The following HEATR3 variants were observed in gnomAD, a reference collection of about 807,000 sequenced individuals.
The protein encoded by HEATR3 is HEAT repeat containing 3, also known as HEAT repeat-containing protein 3.
Under a neutral mutation model 72.8 loss-of-function variants are expected in HEATR3, and 56 were observed. The ratio of observed to expected loss-of-function variants is 0.77; its 90% CI spans 0.62 to 0.96. HEATR3 has a LOEUF of 0.96. HEATR3 is among the 40% of genes least tolerant of loss of function. HEATR3 has a pLI of 0.00. For missense variants in HEATR3, 747 were observed against 831.4 expected, an observed-to-expected ratio of 0.90 and a Z score of 1.25; for synonymous variants, 331 against 318.1, an observed-to-expected ratio of 1.04 and a Z score of -0.43.
chr16:50,080,261 CTG>C (rs984899204), intron 7 of HEATR3: 2 of 151,986 alleles, frequency 1.3e-5, no homozygotes, highest in Non-Finnish European at 2.9e-5. Flanking sequence ...TATGAGCAAA[CTG>C]TGGGTGCAAA....
intron 7 of HEATR3, 108 bp from the exon 8 acceptor site, chr16:50,083,829 C>G: frequency 1.1e-6 from 1 of 909,876 alleles, no homozygotes; most frequent in Non-Finnish European, 1.7e-6. Context: ...CCCGTGTGCT[C>G]TATTCCAAGC....
Position 50,084,204 on chromosome 16 carries a change from C to T in HEATR3, c.1203C>T (p.Phe401=). ...DESDAFMENS[F]SECGGQLFSP... ...GTGACGCATTTATGGAGAATTCCTT[C>T]AGTGAGTGCGGGGGACAGCTGTTTT... The change falls in exon 9 of 15, where the codon TTC becomes TTT. Residue 401 remains phenylalanine, a synonymous_variant. Coordinates refer to ENST00000299192, the MANE Select transcript of HEATR3 (RefSeq NM_182922.4). 6.2e-7 allele frequency: 1 copy of T among 1,614,176 alleles called. No individual in the cohort carries two copies. Among genetic ancestry groups the T allele is most frequent in the African/African-American group, 1.3e-5 (1 of 75,040 alleles).
intron 4 of HEATR3, among the ~76,000 whole-genome samples, chr16:50,072,398 A>G (rs1192569329): frequency 1.3e-5 from 2 of 152,248 alleles, no homozygotes; most frequent in Non-Finnish European, 1.5e-5. Flanking sequence ...AAAAGGTCCC[A>G]TTGTGATAGA....
chr16:50,086,089 T>C, intron 10 of HEATR3, 126 bp from the exon 11 acceptor site: 2 of 838,176 alleles, frequency 2.4e-6, no homozygotes, highest in Admixed American at 3.1e-5. Context: ...CTTTGCTAAC[T>C]GCCATAGATA....
intron 12 of HEATR3, among the ~76,000 whole-genome samples, chr16:50,096,451 A>G (rs1315898306): frequency 6.6e-6 from 1 of 151,856 alleles, no homozygotes; most frequent in Non-Finnish European, 1.5e-5. Flanking sequence ...TATTATCTCT[A>G]AAAAAAATTT....
In HEATR3 at chr16:50,071,580, A is replaced by G. The variant is rs543764998; in HGVS notation, c.513-1025A>G. On this transcript the variant is annotated intron_variant, in intron 4 of 14. Transcript: ENST00000299192. The stretch of plus-strand genomic sequence containing the variant: ...GCCCTGTCTGTATCACTGAGTTACT[A>G]TAACTTTTAACATTTTTGTTTCATC... Among the ~76,000 whole-genome samples, 268 of 152,330 alleles carry G rather than the reference A, an allele frequency of 1.8e-3. 2 individuals are homozygous for G. The highest frequency in any genetic ancestry group is 6.2e-3 in the African/African-American group (257 of 41,572).
intron 11 of HEATR3, among the ~76,000 whole-genome samples, chr16:50,094,500 G>C (rs988496289): frequency 2.0e-5 from 3 of 152,154 alleles, no homozygotes; most frequent in Admixed American, 6.5e-5. Flanking sequence ...TTTTAACCAC[G>C]ATCATCTTTC....
At chr16:50,104,117 A>C (rs1219898437) in intron 14 of HEATR3, among the ~76,000 whole-genome samples, 1 of 152,150 alleles carries the variant, frequency 6.6e-6, no homozygotes, top group Non-Finnish European at 1.5e-5. Flanking sequence ...TGGAAGGCCA[A>C]GGTGGTAGGA....
intron 11 of HEATR3, 147 bp downstream of exon 11, chr16:50,086,498 G>A: frequency 1.1e-6 from 1 of 885,536 alleles, no homozygotes. Flanking sequence ...TAGTTGCCAT[G>A]GGGTACAGAG....
chr16:50,089,521 G>A (rs1258199760), intron 11 of HEATR3, among the ~76,000 whole-genome samples: 8 of 152,102 alleles, frequency 5.3e-5, no homozygotes, highest in Non-Finnish European at 1.0e-4. Flanking sequence ...TGTGGCCTTC[G>A]TATCACCTAA....
At chr16:50,073,265 C>T (rs946765991) in intron 5 of HEATR3, 2 of 153,186 alleles carry the variant, frequency 1.3e-5, no homozygotes, top group Admixed American at 1.3e-4. Flanking sequence ...CTTTATTGGG[C>T]TGGGGAACCA....
At chr16:50,103,433 AG>A (rs1014450072) in intron 14 of HEATR3, among the ~76,000 whole-genome samples, 6 of 152,234 alleles carry the variant, frequency 3.9e-5, no homozygotes, top group Non-Finnish European at 1.5e-5. Flanking sequence ...TTTGTGTTAA[AG>A]GCTATTCAGT....
intron 7 of HEATR3, chr16:50,080,299 T>G (rs1307651289): frequency 6.6e-6 from 1 of 151,484 alleles, no homozygotes; most frequent in Non-Finnish European, 1.5e-5. Flanking sequence ...CTGGGACAAA[T>G]AACAGAAATG....
rs758420187 is a variant in HEATR3 at position 50,066,098 on chromosome 16, C to G, written c.-34C>G. 2 of 1,563,566 alleles carry G rather than the reference C, an allele frequency of 1.3e-6. No individual in the cohort carries two copies. The highest frequency in any genetic ancestry group is 1.7e-6 in the Non-Finnish European group (2 of 1,157,970). On this transcript the variant is annotated 5_prime_UTR_variant, in exon 1 of 15. Coordinates refer to ENST00000299192, the MANE Select transcript of HEATR3 (RefSeq NM_182922.4). ...CTCCACCGCCTGCTGTTGCCCTCCT[C>G]TCTCGGTGGTCTGTCCGCCCAGCGC...
chr16:50,101,171 C>T (rs2037357493), intron 13 of HEATR3, among the ~76,000 whole-genome samples: 1 of 149,100 alleles, frequency 6.7e-6, no homozygotes, highest in Non-Finnish European at 1.5e-5. Context: ...TACAGTAGTG[C>T]AGTAGTGTGA....
chr16:50,086,104 G>A (rs2036980388), intron 10 of HEATR3, 111 bp from the exon 11 acceptor site: 20 of 988,658 alleles, frequency 2.0e-5, no homozygotes, highest in Non-Finnish European at 2.8e-5. Context: ...TAGATACCTT[G>A]TATTTACAGA....
intron 1 of HEATR3, 33 bp from the exon 2 acceptor site, chr16:50,066,329 ATTGCG>A (rs1555500474): frequency 7.7e-6 from 12 of 1,563,620 alleles, no homozygotes; most frequent in Non-Finnish European, 1.0e-5. Flanking sequence ...GCGCGTGCGC[ATTGCG>A]CGCCTTCTGA....
chr16:50,086,700 C>T (rs1483005264), intron 11 of HEATR3, among the ~76,000 whole-genome samples: 3 of 152,096 alleles, frequency 2.0e-5, no homozygotes, highest in Non-Finnish European at 2.9e-5. Flanking sequence ...GAGGCCGAGG[C>T]GGGAGGATCA....
At chr16:50,089,035 T>C (rs8057524) in intron 11 of HEATR3, among the ~76,000 whole-genome samples, 103,511 of 152,062 alleles carry the variant, frequency 0.68, 35,527 homozygotes, top group South Asian at 0.72. Flanking sequence ...TATGTTTCTC[T>C]TGGTTCTGCT....
Sources: allele counts gnomAD v4.1 joint callset (sites outside exome capture counted in the v4.1 genomes callset), GRCh38; gene constraint gnomAD v4.1.1; transcripts MANE v1.5; gene names NCBI Gene and HGNC (gene_info 2026-07-23, HGNC 2026-07-21).